Variants in HS6ST2 observed in about 807,000 individuals in gnomAD.
The protein encoded by HS6ST2 is heparan sulfate 6-O-sulfotransferase 2, also known as heparan-sulfate 6-O-sulfotransferase 2.
A neutral mutation model predicts 33.0 loss-of-function variants in HS6ST2; 17 were observed. The ratio of observed to expected loss-of-function variants is 0.52; its 90% CI spans 0.35 to 0.77. HS6ST2 has a LOEUF of 0.77. Ranked by LOEUF, HS6ST2 falls within the 30% of genes least tolerant of loss-of-function variation. The probability of loss-of-function intolerance (pLI) is 0.01; values close to 1 mark genes in which losing one functional copy is unlikely to be tolerated. For synonymous variants in HS6ST2, 248 were observed against 237.1 expected, an observed-to-expected ratio of 1.05 and a Z score of -0.42; for missense variants, 519 against 551.7, an observed-to-expected ratio of 0.94 and a Z score of 0.59.
chrX:132,756,953 GAT>G (rs1285021468), intron 2 of HS6ST2, among the ~76,000 whole-genome samples: 2 of 110,459 alleles, frequency 1.8e-5, no homozygotes, highest in African/African-American at 6.6e-5. Context: ...GAACAGGAAA[GAT>G]AATAATTTTT....
chrX:132,928,119 CT>C lies in HS6ST2; in HGVS notation c.947+28688del, dbSNP rs1195168624. On this transcript the variant is annotated intron_variant, in intron 2 of 4. Coordinates refer to ENST00000370833, the MANE Select transcript of HS6ST2 (RefSeq NM_001394073.1). The stretch of plus-strand genomic sequence containing the variant: ...AGTGGTCAAGAGTAGTTGCCACACA[CT>C]TTTTTTTTTTTTTTTTGAGACGGAG... Among the ~76,000 whole-genome samples the C allele has an allele frequency of 3.2e-3, 308 of 95,516 alleles. 1 individual carries two copies. The highest frequency in any genetic ancestry group is 0.015 in the Middle Eastern group (3 of 196). The allele number at this position is 95,516 out of a possible 115,157, so 82.9% of individuals were successfully genotyped here.
intron 2 of HS6ST2, among the ~76,000 whole-genome samples, chrX:132,810,076 T>A (rs950647714): frequency 1.8e-5 from 2 of 111,593 alleles, no homozygotes; most frequent in Admixed American, 1.9e-4. Context: ...GATACTAGAA[T>A]AATATTTCTG....
chrX:132,815,070 A>G (rs187467649), intron 2 of HS6ST2, among the ~76,000 whole-genome samples: 2 of 111,828 alleles, frequency 1.8e-5, no homozygotes, highest in Non-Finnish European at 3.8e-5. Flanking sequence ...ACCTGACTGA[A>G]CTTCTTAGGC....
chrX:132,832,191 A>G (rs1203308683), intron 2 of HS6ST2, among the ~76,000 whole-genome samples: 2 of 112,155 alleles, frequency 1.8e-5, no homozygotes, highest in Admixed American at 1.9e-4. Context: ...ATGTTTTGAT[A>G]AAAGCTAATA....
chrX:132,669,845 T>TA (rs1193012527), intron 3 of HS6ST2: 1 of 112,880 alleles, frequency 8.9e-6, no homozygotes, highest in East Asian at 2.8e-4. Flanking sequence ...AAGGCCTGCT[T>TA]AATCTCATCA....
At chrX:132,789,667 C>T (rs769069633) in intron 2 of HS6ST2, among the ~76,000 whole-genome samples, 1 of 112,427 alleles carries the variant, frequency 8.9e-6, no homozygotes, top group South Asian at 3.7e-4. Context: ...ACTGATCTAC[C>T]ACTCTAGATG....
chrX:132,654,010 C>G (rs1184006719), intron 4 of HS6ST2, among the ~76,000 whole-genome samples: 1 of 111,474 alleles, frequency 9.0e-6, no homozygotes. Context: ...AGGGTACAAA[C>G]TTTCAATTAC....
chrX:132,926,488 T>C (rs1262015904), intron 2 of HS6ST2, among the ~76,000 whole-genome samples: 1 of 112,669 alleles, frequency 8.9e-6, no homozygotes, highest in African/African-American at 3.2e-5. Flanking sequence ...CCTCTTCCAA[T>C]CCTGTCTGTT....
At chrX:132,659,752 A>G (rs183915096) in intron 4 of HS6ST2, among the ~76,000 whole-genome samples, 1 of 111,865 alleles carries the variant, frequency 8.9e-6, no homozygotes, top group African/African-American at 3.2e-5. Flanking sequence ...GTGACTTTGG[A>G]CAAGCCAATG....
intron 2 of HS6ST2, among the ~76,000 whole-genome samples, chrX:132,812,687 A>C (rs1165810241): frequency 2.7e-5 from 3 of 109,371 alleles, no homozygotes; most frequent in Non-Finnish European, 5.7e-5. Context: ...TACATAGTGT[A>C]AAAAGAGCAA....
chrX:132,637,853 AT>A (rs1263179835), intron 4 of HS6ST2, among the ~76,000 whole-genome samples: 1 of 29,371 alleles, frequency 3.4e-5, no homozygotes, highest in Non-Finnish European at 4.6e-5. Flanking sequence ...TATATATAAT[AT>A]ATATATAATA....
intron 2 of HS6ST2, among the ~76,000 whole-genome samples, chrX:132,892,276 G>A: frequency 8.9e-6 from 1 of 111,912 alleles, no homozygotes; most frequent in East Asian, 2.8e-4. Context: ...GACTCCCCTT[G>A]TATTTCTGAT....
At chrX:132,658,472 TTTTTTC>T (rs1340791470) in intron 4 of HS6ST2, among the ~76,000 whole-genome samples, 1 of 107,524 alleles carries the variant, frequency 9.3e-6, no homozygotes, top group Non-Finnish European at 2.0e-5. Context: ...AAAATATGGT[TTTTTTC>T]TTTTTCTTTT....
chrX:132,937,641 C>G (rs1354971975), intron 2 of HS6ST2, among the ~76,000 whole-genome samples: 6 of 111,528 alleles, frequency 5.4e-5, no homozygotes, highest in Non-Finnish European at 1.1e-4. Context: ...ATTTGATAGC[C>G]ACATGCAGAA....
intron 2 of HS6ST2, among the ~76,000 whole-genome samples, chrX:132,816,263 G>C (rs1466474003): frequency 8.9e-6 from 1 of 111,891 alleles, no homozygotes; most frequent in Non-Finnish European, 1.9e-5. Flanking sequence ...TTTCAAGTTT[G>C]TTCTTCACAC....
chrX:132,740,873 T>C (rs1180026766), intron 2 of HS6ST2, among the ~76,000 whole-genome samples: 1 of 111,359 alleles, frequency 9.0e-6, no homozygotes, highest in Non-Finnish European at 1.9e-5. Flanking sequence ...ATCACTGATA[T>C]GCAAGGAAAT....
intron 3 of HS6ST2, among the ~76,000 whole-genome samples, chrX:132,698,861 A>G (rs1002256497): frequency 8.9e-5 from 10 of 112,193 alleles, no homozygotes; most frequent in Middle Eastern, 4.6e-3. Flanking sequence ...GAGAGAAGGA[A>G]CTATATTTGT....
chrX:132,828,703 C>CTGT (rs2065553642), intron 2 of HS6ST2, among the ~76,000 whole-genome samples: 1 of 78,755 alleles, frequency 1.3e-5, no homozygotes, highest in African/African-American at 5.2e-5. Flanking sequence ...TACACACACA[C>CTGT]ACACACACAC....
In HS6ST2 at chrX:132,857,213, C is replaced by T. The variant is rs576084733; in HGVS notation, c.947+99595G>A. Among the ~76,000 whole-genome samples the T allele has an allele frequency of 1.0e-3, 116 of 112,239 alleles. No homozygotes were observed. In the South Asian group the frequency reaches 0.013, roughly 13 times the overall value. On this transcript the variant is annotated intron_variant, in intron 2 of 4. Coordinates refer to ENST00000370833, the MANE Select transcript of HS6ST2 (RefSeq NM_001394073.1). ...GAAAAAGGGCATCCTCGGCCGGGCGCGGTGGCTCACGCCTGTAATCCCAGC... is the reference window on the plus strand; with the variant it reads ...GAAAAAGGGCATCCTCGGCCGGGCGTGGTGGCTCACGCCTGTAATCCCAGC...
Sources: allele counts gnomAD v4.1 joint callset (sites outside exome capture counted in the v4.1 genomes callset), GRCh38; gene constraint gnomAD v4.1.1; transcripts MANE v1.5; gene names NCBI Gene and HGNC (gene_info 2026-07-23, HGNC 2026-07-21).